The following INTS6 variants were observed in gnomAD, a reference collection of about 807,000 sequenced individuals.
INTS6 encodes integrator complex subunit 6.
A neutral mutation model predicts 104.9 loss-of-function variants in INTS6; 16 were observed. That is an observed-to-expected ratio of 0.15 (90% CI 0.10 to 0.23). The LOEUF (loss-of-function observed/expected upper bound fraction) is 0.23, where lower values mean the gene tolerates loss of function less well. Ranked by LOEUF, INTS6 falls within the 10% of genes least tolerant of loss-of-function variation. The probability of loss-of-function intolerance (pLI) is 1.00; values close to 1 mark genes in which losing one functional copy is unlikely to be tolerated. For missense variants in INTS6, 584 were observed against 1,062.8 expected (o/e 0.55, Z 6.26); for synonymous variants, 324 against 358.7 (o/e 0.90, Z 1.09).
the INTS6 span, among the ~76,000 whole-genome samples, chr13:51,345,842 C>A: frequency 2.0e-5 from 3 of 152,232 alleles, 1 homozygote; most frequent in Non-Finnish European, 4.4e-5. Context: ...CCAGTGCAGG[C>A]TGATTGTCCT....
chr13:51,445,175 A>T (rs566331139), intron 3 of INTS6: 2 of 152,320 alleles, frequency 1.3e-5, no homozygotes, highest in African/African-American at 4.8e-5. Context: ...TATTCTTGCA[A>T]AAGAATGACT....
the INTS6 span, among the ~76,000 whole-genome samples, chr13:51,339,934 AAG>A: frequency 4.0e-5 from 6 of 150,982 alleles, no homozygotes; most frequent in African/African-American, 1.2e-4. Flanking sequence ...CATAGAAAGA[AAG>A]AGAGAGAGAG....
intron 4 of INTS6, among the ~76,000 whole-genome samples, chr13:51,400,075 A>AT (rs1956408535): frequency 6.6e-6 from 1 of 152,206 alleles, no homozygotes; most frequent in Non-Finnish European, 1.5e-5. Context: ...CATGAACCCT[A>AT]TTGTGAACTG....
In INTS6 at chr13:51,363,954, T is replaced by C; in HGVS notation, c.*1798A>G. On this transcript the variant is annotated 3_prime_UTR_variant, in exon 18 of 18. Transcript: ENST00000311234. Reference sequence around the variant, plus strand: ...CAATATTGGGATGGGCTGAATCTCTTTCCTAGATACTCTTGTTAAGTATGA... The same window carrying C: ...CAATATTGGGATGGGCTGAATCTCTCTCCTAGATACTCTTGTTAAGTATGA... 4.4e-6 allele frequency: 1 copy of C among 225,766 alleles called. No individual in the cohort carries two copies. The highest frequency in any genetic ancestry group is 8.5e-6 in the Non-Finnish European group (1 of 118,076). The allele number at this position is 225,766 out of a possible 1,614,324, so 14.0% of individuals were successfully genotyped here.
At chr13:51,415,455 G>A (rs7995268) in intron 4 of INTS6, among the ~76,000 whole-genome samples, 5,235 of 152,206 alleles carry the variant, frequency 0.034, 105 homozygotes, top group South Asian at 0.062. Context: ...TAAATCATGG[G>A]GATGGGTCTC....
At chr13:51,443,528 TAGTA>T (rs1288550239) in intron 3 of INTS6, 3 of 152,150 alleles carry the variant, frequency 2.0e-5, no homozygotes, top group African/African-American at 7.2e-5. Flanking sequence ...TATAGACTAA[TAGTA>T]AGACTAAACA....
At chr13:51,402,414 G>A (rs1956456201) in intron 4 of INTS6, 1 of 152,146 alleles carries the variant, frequency 6.6e-6, no homozygotes, top group Non-Finnish European at 1.5e-5. Flanking sequence ...TAAACCATGT[G>A]TGATTCAATA....
intron 4 of INTS6, among the ~76,000 whole-genome samples, chr13:51,425,260 C>T (rs916949573): frequency 5.3e-5 from 8 of 152,054 alleles, no homozygotes; most frequent in Admixed American, 3.3e-4. Flanking sequence ...CCCCAATCTA[C>T]AGCCATTTGA....
chr13:51,344,148 G>C, the INTS6 span: 3 of 781,170 alleles, frequency 3.8e-6, no homozygotes, highest in Non-Finnish European at 6.5e-6. Context: ...ATGAGCAAGA[G>C]TGGAGTTGCT....
chr13:51,443,546 A>G (rs1383734743), intron 3 of INTS6: 1 of 152,136 alleles, frequency 6.6e-6, no homozygotes, highest in Non-Finnish European at 1.5e-5. Flanking sequence ...CTAAACAAAA[A>G]TAAAGTTTAT....
chr13:51,372,263 C>G (rs1030644138), intron 15 of INTS6, among the ~76,000 whole-genome samples: 2 of 151,766 alleles, frequency 1.3e-5, no homozygotes, highest in African/African-American at 4.8e-5. Flanking sequence ...TTGCTAAGAT[C>G]GCCAAAGACC....
chr13:51,450,978 C>T, intron 3 of INTS6, 47 bp downstream of exon 3: 4 of 1,445,776 alleles, frequency 2.8e-6, no homozygotes, highest in East Asian at 2.5e-5. Flanking sequence ...TGTGTTTTTC[C>T]ACAAAATGAA....
intron 4 of INTS6, among the ~76,000 whole-genome samples, chr13:51,409,357 C>T (rs750953606): frequency 1.5e-4 from 22 of 149,622 alleles, no homozygotes; most frequent in Middle Eastern, 3.5e-3. Context: ...GTATTTCATT[C>T]GTACTTTCTA....
At chr13:51,446,308 C>T (rs1353481918) in intron 3 of INTS6, 1 of 152,104 alleles carries the variant, frequency 6.6e-6, no homozygotes, top group African/African-American at 2.4e-5. Flanking sequence ...TATGTTGATG[C>T]TTAACATAAA....
intron 11 of INTS6, among the ~76,000 whole-genome samples, chr13:51,378,719 AC>A (rs1243530396): frequency 6.6e-6 from 1 of 151,994 alleles, no homozygotes; most frequent in Non-Finnish European, 1.5e-5. Flanking sequence ...ATTAATACCC[AC>A]TATACCTAAA....
chr13:51,429,166 G>C (rs996451746), intron 4 of INTS6, among the ~76,000 whole-genome samples: 3 of 152,132 alleles, frequency 2.0e-5, no homozygotes, highest in African/African-American at 7.2e-5. Flanking sequence ...CTGACTCCAT[G>C]TCCAATTTGT....
chr13:51,409,477 T>C (rs943933963), intron 4 of INTS6, among the ~76,000 whole-genome samples: 2 of 152,078 alleles, frequency 1.3e-5, no homozygotes, highest in South Asian at 2.1e-4. Flanking sequence ...CAGTTTTTCA[T>C]AGTCAGTGAA....
At chr13:51,431,241 A>G (rs1957085034) in intron 3 of INTS6, among the ~76,000 whole-genome samples, 1 of 152,216 alleles carries the variant, frequency 6.6e-6, no homozygotes, top group South Asian at 2.1e-4. Flanking sequence ...ATAAATTTCA[A>G]GAGGGTAAAC....
At chr13:51,369,441 GA>G in intron 15 of INTS6, 131 bp from the exon 16 acceptor site, 2 of 886,492 alleles carry the variant, frequency 2.3e-6, no homozygotes, top group Non-Finnish European at 3.4e-6. Context: ...CAAATAATGT[GA>G]TATAGTTTTT....
Sources: allele counts gnomAD v4.1 joint callset (sites outside exome capture counted in the v4.1 genomes callset), GRCh38; gene constraint gnomAD v4.1.1; transcripts MANE v1.5; gene names NCBI Gene and HGNC (gene_info 2026-07-23, HGNC 2026-07-21).